The following CD47 variants were observed in gnomAD, a reference collection of about 807,000 sequenced individuals.
CD47 encodes the protein CD47 molecule.
In CD47, 11 loss-of-function variants were observed where a neutral mutation model predicts 44.6. That is an observed-to-expected ratio of 0.25 (90% CI 0.16 to 0.41). CD47 has a LOEUF of 0.41. CD47 is among the 10% of genes least tolerant of loss of function. The pLI, the probability that CD47 is intolerant of heterozygous loss-of-function variation, is 1.00. For synonymous variants in CD47, 140 were observed against 136.3 expected (o/e 1.03, Z -0.19); for missense variants, 306 against 386.7 (o/e 0.79, Z 1.75).
At chr3:108,056,545 C>A (rs2078916175) in intron 7 of CD47, among the ~76,000 whole-genome samples, 1 of 151,996 alleles carries the variant, frequency 6.6e-6, no homozygotes, top group Non-Finnish European at 1.5e-5. Flanking sequence ...CAAAGTTTAC[C>A]TAAAGCAAAG....
chr3:108,053,321 G>A (rs1434910569), intron 7 of CD47: 4 of 152,254 alleles, frequency 2.6e-5, no homozygotes, highest in Non-Finnish European at 5.9e-5. Flanking sequence ...AGGAAAAATG[G>A]CAACAGACTG....
intron 3 of CD47, among the ~76,000 whole-genome samples, chr3:108,067,826 C>G (rs1306799064): frequency 6.6e-6 from 1 of 152,218 alleles, no homozygotes; most frequent in Non-Finnish European, 1.5e-5. Context: ...AGAGTCTTCT[C>G]AGGCTTCTTC....
chr3:108,048,579 T>G (rs2078764263), intron 10 of CD47, among the ~76,000 whole-genome samples: 1 of 151,738 alleles, frequency 6.6e-6, no homozygotes. Flanking sequence ...AGAGACGGGG[T>G]TTCACCGTGT....
intron 7 of CD47, chr3:108,055,403 C>G: frequency 2.2e-6 from 1 of 458,580 alleles, no homozygotes; most frequent in Non-Finnish European, 3.6e-6. Context: ...TATAAACGCT[C>G]AAATTTGCAA....
intron 3 of CD47, among the ~76,000 whole-genome samples, chr3:108,062,126 T>A (rs2079026022): frequency 6.6e-6 from 1 of 152,034 alleles, no homozygotes; most frequent in South Asian, 2.1e-4. Flanking sequence ...GTAACTGAAA[T>A]CCACATTAAT....
intron 7 of CD47, among the ~76,000 whole-genome samples, chr3:108,056,054 G>A (rs1182623109): frequency 6.6e-6 from 1 of 152,186 alleles, no homozygotes; most frequent in Non-Finnish European, 1.5e-5. Context: ...GAGTTGTATG[G>A]ATACTGCAAA....
intron 3 of CD47, among the ~76,000 whole-genome samples, 163 bp downstream of exon 3, chr3:108,070,930 G>A (rs973116814): frequency 6.6e-6 from 1 of 151,946 alleles, no homozygotes. Flanking sequence ...AAATGTGGGC[G>A]ACAACATATA....
At chr3:108,062,893 A>G (rs2079040236) in intron 3 of CD47, among the ~76,000 whole-genome samples, 1 of 149,918 alleles carries the variant, frequency 6.7e-6, no homozygotes, top group South Asian at 2.1e-4. Flanking sequence ...TTACCTCATG[A>G]TCCACCTGCC....
At chr3:108,086,425 TAA>T (rs2079522098) in intron 1 of CD47, among the ~76,000 whole-genome samples, 1 of 152,030 alleles carries the variant, frequency 6.6e-6, no homozygotes, top group African/African-American at 2.4e-5. Context: ...GCAGGGGAGA[TAA>T]AGAGGGGAAA....
chr3:108,075,300 G>T (rs2079289908), intron 2 of CD47, among the ~76,000 whole-genome samples: 1 of 152,038 alleles, frequency 6.6e-6, no homozygotes, highest in Non-Finnish European at 1.5e-5. Context: ...TTTAATTTTT[G>T]CTTTCAAGCT....
chr3:108,069,036 T>C (rs1489567729), intron 3 of CD47, among the ~76,000 whole-genome samples: 1 of 152,190 alleles, frequency 6.6e-6, no homozygotes, highest in Non-Finnish European at 1.5e-5. Context: ...AATAAGATGC[T>C]TTTTCACCCA....
chr3:108,071,189 A>G lies in CD47; in HGVS notation c.401-7T>C, dbSNP rs772601189. ...TTTGGAGAAAACCATGAAACTGGGGAAGAAGAAAACAAAAGTCACAATTAA... is the reference window on the plus strand; with the variant it reads ...TTTGGAGAAAACCATGAAACTGGGGGAGAAGAAAACAAAAGTCACAATTAA... On this transcript the variant is annotated splice_polypyrimidine_tract_variant and splice_region_variant and intron_variant, in intron 2 of 10. Coordinates refer to ENST00000361309, the MANE Select transcript of CD47 (RefSeq NM_001777.4). The G allele has an allele frequency of 9.1e-6, 12 of 1,324,828 alleles. No individual in the cohort carries two copies. The East Asian group carries it at 2.9e-4, about 32-fold the overall frequency. 82.1% of individuals were successfully genotyped at this position (1,324,828 alleles called of 1,614,324 possible). A position where few individuals can be genotyped will look rare whatever the true frequency, so the allele number is the denominator to read the frequency against.
In CD47 at chr3:108,054,601, A is replaced by G. The variant is rs547187522; in HGVS notation, c.878-2631T>C. 5 of 152,346 alleles carry G rather than the reference A, an allele frequency of 3.3e-5. No homozygotes were observed. The East Asian group carries it at 5.8e-4, about 18-fold the overall frequency. 9.4% of individuals were successfully genotyped at this position (152,346 alleles called of 1,614,324 possible). On this transcript the variant is annotated intron_variant, in intron 7 of 10. Transcript: ENST00000361309. ...AGCATTCCATATGAGCATACTTGCA[A>G]TGCTTCTTGATTTGTTCTTCTCTCC...
chr3:108,060,967 G>C (rs1576995727), intron 3 of CD47, 115 bp from the exon 4 acceptor site: 1 of 651,480 alleles, frequency 1.5e-6, no homozygotes, highest in East Asian at 2.8e-5. Context: ...TAACTTATGA[G>C]GAACAACTCC....
At chr3:108,077,513 T>C (rs2079330952) in intron 2 of CD47, among the ~76,000 whole-genome samples, 1 of 152,120 alleles carries the variant, frequency 6.6e-6, no homozygotes, top group South Asian at 2.1e-4. Flanking sequence ...AAGCATATAC[T>C]TACCATACAG....
At chr3:108,073,177 T>A (rs2079240555) in intron 2 of CD47, among the ~76,000 whole-genome samples, 1 of 151,992 alleles carries the variant, frequency 6.6e-6, no homozygotes, top group Non-Finnish European at 1.5e-5. Context: ...CAATATCTGA[T>A]CTCATAGTCA....
intron 6 of CD47, among the ~76,000 whole-genome samples, chr3:108,057,905 C>G (rs550046528): frequency 6.6e-6 from 1 of 152,286 alleles, no homozygotes; most frequent in African/African-American, 2.4e-5. Context: ...GCCATATATA[C>G]AGCTAATATC....
At chr3:108,082,943 A>G (rs1175259838) in intron 1 of CD47, among the ~76,000 whole-genome samples, 1 of 152,040 alleles carries the variant, frequency 6.6e-6, no homozygotes, top group Non-Finnish European at 1.5e-5. Context: ...GCTGTTAACT[A>G]CAACTTCAAT....
At chr3:108,065,578 C>T (rs749517077) in intron 3 of CD47, among the ~76,000 whole-genome samples, 1 of 151,786 alleles carries the variant, frequency 6.6e-6, no homozygotes, top group African/African-American at 2.4e-5. Flanking sequence ...TTTGGGAGGC[C>T]GAGACAGACG....
Sources: allele counts gnomAD v4.1 joint callset (sites outside exome capture counted in the v4.1 genomes callset), GRCh38; gene constraint gnomAD v4.1.1; transcripts MANE v1.5; gene names NCBI Gene and HGNC (gene_info 2026-07-23, HGNC 2026-07-21).